Variants in AADAT observed in about 807,000 individuals in gnomAD.
AADAT encodes kynurenine/alpha-aminoadipate aminotransferase, mitochondrial.
AADAT carries 25 observed loss-of-function variants against 56.2 expected under a neutral mutation model. That is an observed-to-expected ratio of 0.44 (90% confidence interval 0.32 to 0.62). The LOEUF is 0.62. AADAT is among the 20% of genes least tolerant of loss of function. The pLI is 0.04. For synonymous variants in AADAT, 173 were observed against 164.7 expected (o/e 1.05, Z -0.39); for missense variants, 387 against 510.5 (o/e 0.76, Z 2.33).
At chr4:170,064,911 A>G in intron 10 of AADAT, 86 bp from the exon 11 acceptor site, 1 of 1,147,626 alleles carries the variant, frequency 8.7e-7, no homozygotes, top group East Asian at 2.6e-5. Context: ...GCATAAGTAT[A>G]GTAAGTAGAA....
upstream of AADAT, among the ~76,000 whole-genome samples, chr4:170,094,228 C>T (rs1446932423): frequency 3.3e-5 from 5 of 152,162 alleles, no homozygotes; most frequent in Non-Finnish European, 7.3e-5. Context: ...AGAATATAGT[C>T]ACAGTGGTGG....
At chr4:170,087,291 C>A in intron 2 of AADAT, 43 bp from the exon 3 acceptor site, 2 of 1,571,200 alleles carry the variant, frequency 1.3e-6, no homozygotes, top group South Asian at 1.1e-5. Context: ...TAGTAAAAAT[C>A]ATAGTAACAG....
chr4:170,076,804 A>G (rs1732057860), intron 4 of AADAT, among the ~76,000 whole-genome samples: 1 of 151,668 alleles, frequency 6.6e-6, no homozygotes, highest in Non-Finnish European at 1.5e-5. Flanking sequence ...CTAAGGTCAT[A>G]AAAATTTGCC....
At chr4:170,092,546 G>A (rs1393510861), upstream of AADAT, among the ~76,000 whole-genome samples, 1 of 152,218 alleles carries the variant, frequency 6.6e-6, no homozygotes, top group African/African-American at 2.4e-5. Context: ...CGTTCTTGAT[G>A]TCAGTGAGAC....
Position 170,071,368 on chromosome 4 carries a change from G to A in AADAT, c.655-716C>T, listed in dbSNP as rs749173796. Among the ~76,000 whole-genome samples the A allele has an allele frequency of 2.0e-5, 3 of 152,306 alleles. No homozygotes were observed. The South Asian group carries it at 6.2e-4, about 32-fold the overall frequency. The stretch of plus-strand genomic sequence containing the variant: ...GAAGGAGTCAGTTGTGCAAATATCA[G>A]AGAAGAATCTAGACTGAGGGATGAA... On this transcript the variant is annotated intron_variant, in intron 5 of 12. Coordinates refer to ENST00000337664, the MANE Select transcript of AADAT (RefSeq NM_016228.4).
chr4:170,060,288 T>C lies in AADAT; in HGVS notation c.*640A>G, dbSNP rs770915677. Reference sequence around the variant, plus strand: ...GCATAACATAAGGTTTATGGTACTTTTACTAAAAGTCACTTATAATGACCA... The same window carrying C: ...GCATAACATAAGGTTTATGGTACTTCTACTAAAAGTCACTTATAATGACCA... On this transcript the variant is annotated 3_prime_UTR_variant, in exon 13 of 13. Transcript: ENST00000337664. 1 of 152,108 alleles carries C rather than the reference T, an allele frequency of 6.6e-6. No individual in the cohort carries two copies. Among genetic ancestry groups the C allele is most frequent in the African/African-American group, 2.4e-5 (1 of 41,440 alleles). 9.4% of individuals were successfully genotyped at this position (152,108 alleles called of 1,614,324 possible).
chr4:170,073,045 G>A, intron 5 of AADAT, 91 bp downstream of exon 5: 1 of 1,210,706 alleles, frequency 8.3e-7, no homozygotes, highest in South Asian at 1.5e-5. Flanking sequence ...GAAAGCAAAA[G>A]GCTAAGAAGA....
intron 10 of AADAT, among the ~76,000 whole-genome samples, chr4:170,065,587 G>A (rs937520004): frequency 4.0e-5 from 6 of 151,420 alleles, no homozygotes; most frequent in African/African-American, 1.5e-4. Flanking sequence ...TGCCACCTCT[G>A]CCTTCCAGGT....
At chr4:170,078,071 T>A (rs1732122458) in intron 4 of AADAT, among the ~76,000 whole-genome samples, 1 of 152,190 alleles carries the variant, frequency 6.6e-6, no homozygotes, top group African/African-American at 2.4e-5. Context: ...AAATCACAGT[T>A]CCACGGATCT....
At position 170,077,908 on chromosome 4, in the gene AADAT, C is replaced by T. The variant is rs557917386; in HGVS notation, c.444+601G>A. Among the ~76,000 whole-genome samples, 6 of 152,246 alleles carry T rather than the reference C, an allele frequency of 3.9e-5. No homozygotes were observed. In the South Asian group the frequency reaches 1.0e-3, roughly 26 times the overall value. ...ACCATTCATCATATGATATGGCTTC[C>T]AATTCCCTATTTACTCTGACTATCT... is the stretch of plus-strand genomic sequence containing the variant. On this transcript the variant is annotated intron_variant, in intron 4 of 12. Transcript: ENST00000337664.
At chr4:170,085,991 A>G (rs13114656) in intron 3 of AADAT, among the ~76,000 whole-genome samples, 2 of 152,018 alleles carry the variant, frequency 1.3e-5, no homozygotes, top group African/African-American at 4.8e-5. Context: ...TTCATGGAAA[A>G]CAAAGGAGAA....
intron 9 of AADAT, among the ~76,000 whole-genome samples, chr4:170,067,103 G>A (rs1425284231): frequency 1.3e-5 from 2 of 152,218 alleles, no homozygotes; most frequent in African/African-American, 4.8e-5. Context: ...TACCTTAGGA[G>A]TGGGTGGACA....
Position 170,073,350 on chromosome 4 carries a change from T to G in AADAT, c.445-5A>C. The G allele has an allele frequency of 1.2e-6, 2 of 1,612,252 alleles. No homozygotes were observed. The highest frequency in any genetic ancestry group is 2.7e-5 in the African/African-American group (2 of 74,882). On this transcript the variant is annotated splice_polypyrimidine_tract_variant and splice_region_variant and intron_variant, in intron 4 of 12. Coordinates refer to ENST00000337664, the MANE Select transcript of AADAT (RefSeq NM_016228.4). The stretch of plus-strand genomic sequence containing the variant: ...GTTGCAGCCCAGTGGGTGCAGCTGT[T>G]GAGCACAAAAGAAAGCCTGAGTCAG...
At chr4:170,075,793 T>A (rs1732007270) in intron 4 of AADAT, among the ~76,000 whole-genome samples, 1 of 152,206 alleles carries the variant, frequency 6.6e-6, no homozygotes, top group Non-Finnish European at 1.5e-5. Flanking sequence ...CTACTTTCTA[T>A]CTCCACTAAT....
At chr4:170,077,984 C>A (rs1262474142) in intron 4 of AADAT, among the ~76,000 whole-genome samples, 1 of 152,086 alleles carries the variant, frequency 6.6e-6, no homozygotes, top group Non-Finnish European at 1.5e-5. Flanking sequence ...AGTAGACTGC[C>A]CCAAACAAAC....
intron 3 of AADAT, among the ~76,000 whole-genome samples, chr4:170,078,894 T>G (rs1732164664): frequency 6.6e-6 from 1 of 152,220 alleles, no homozygotes; most frequent in African/African-American, 2.4e-5. Context: ...AACCATAGTT[T>G]GCCAACTCCT....
intron 2 of AADAT, among the ~76,000 whole-genome samples, chr4:170,087,667 ATAAC>A (rs1412588726): frequency 6.6e-6 from 1 of 152,190 alleles, no homozygotes. Context: ...AACATATTAC[ATAAC>A]TAACACATAT....
At chr4:170,087,395 CTATT>C (rs1245080236) in intron 2 of AADAT, 147 bp from the exon 3 acceptor site, 1 of 731,036 alleles carries the variant, frequency 1.4e-6, no homozygotes, top group Non-Finnish European at 2.1e-6. Flanking sequence ...ATGAATATTC[CTATT>C]TAAAAGATAG....
intron 1 of AADAT, chr4:170,089,279 C>T: frequency 2.0e-6 from 1 of 512,616 alleles, no homozygotes; most frequent in Non-Finnish European, 3.7e-6. Context: ...CTCCACTGTA[C>T]ACCCATCTGC....
Sources: allele counts gnomAD v4.1 joint callset (sites outside exome capture counted in the v4.1 genomes callset), GRCh38; gene constraint gnomAD v4.1.1; transcripts MANE v1.5; gene names NCBI Gene and HGNC (gene_info 2026-07-23, HGNC 2026-07-21).